ROBO2: variants seen among roughly 807,000 people sequenced by gnomAD.
ROBO2 encodes the protein roundabout guidance receptor 2.
A neutral mutation model predicts 160.8 loss-of-function variants in ROBO2; 53 were observed. The ratio of observed to expected loss-of-function variants is 0.33; its 90% confidence interval spans 0.26 to 0.41. The LOEUF (loss-of-function observed/expected upper bound fraction) is 0.41. Among genes scored for constraint, ROBO2 ranks in the 10% least tolerant of loss-of-function variants. The probability of loss-of-function intolerance (pLI) is 1.00; values close to 1 mark genes in which losing one functional copy is unlikely to be tolerated. For synonymous variants in ROBO2, 664 were observed against 611.7 expected (o/e 1.09, Z -1.26); for missense variants, 1,577 against 1,722.4 (o/e 0.92, Z 1.49).
chr3:76,599,888 T>C (rs947801854), intron 2 of ROBO2, among the ~76,000 whole-genome samples: 2 of 152,132 alleles, frequency 1.3e-5, no homozygotes, highest in Non-Finnish European at 2.9e-5. Flanking sequence ...CGCTTTTTAA[T>C]GGATTTTTTT....
chr3:76,172,257 G>A (rs540455510), intron 2 of ROBO2, among the ~76,000 whole-genome samples: 1 of 146,228 alleles, frequency 6.8e-6, no homozygotes, highest in Admixed American at 6.8e-5. Context: ...ATGGACACAG[G>A]AAGGGGAACA....
intron 2 of ROBO2, among the ~76,000 whole-genome samples, chr3:76,061,122 A>C (rs143601253): frequency 2.0e-5 from 3 of 152,222 alleles, no homozygotes; most frequent in Admixed American, 6.5e-5. Flanking sequence ...ATCAATGTCA[A>C]GGTGACTTCA....
At chr3:77,277,228 TTGTC>T (rs1206127249) in intron 2 of ROBO2, among the ~76,000 whole-genome samples, 1 of 94,526 alleles carries the variant, frequency 1.1e-5, no homozygotes, top group Non-Finnish European at 2.5e-5. Flanking sequence ...TCTTTCTTTC[TTGTC>T]TTTCTTTCTT....
At chr3:76,921,810 A>C (rs1169632357) in intron 2 of ROBO2, among the ~76,000 whole-genome samples, 1 of 152,172 alleles carries the variant, frequency 6.6e-6, no homozygotes, top group Non-Finnish European at 1.5e-5. Context: ...CTAAAATATG[A>C]GGGTTTTAAC....
Position 77,457,794 on chromosome 3 carries a change from C to T in ROBO2, c.389-19620C>T, listed in dbSNP as rs145969220. ...CTGTCCTCCTAAGTATTATTTTGTT[C>T]GGTCAAAATAGTATTTGTTAAATAT... On this transcript the variant is annotated intron_variant, in intron 2 of 25. Transcript: ENST00000461745. Among the ~76,000 whole-genome samples, 971 of 151,682 alleles carry T rather than the reference C, an allele frequency of 6.4e-3. 12 individuals carry two copies. The highest frequency in any genetic ancestry group is 0.022 in the African/African-American group (924 of 41,380).
intron 6 of ROBO2, among the ~76,000 whole-genome samples, chr3:77,545,771 A>G (rs897275830): frequency 1.3e-4 from 20 of 152,052 alleles, no homozygotes; most frequent in African/African-American, 4.8e-4. Context: ...ATTGCTTATT[A>G]CCCTTGTATA....
intron 2 of ROBO2, among the ~76,000 whole-genome samples, chr3:76,126,369 A>T (rs2070989769): frequency 1.3e-5 from 2 of 152,140 alleles, no homozygotes. Context: ...TGGACCTGAT[A>T]GAATAAAGCT....
At chr3:77,544,682 A>G (rs1247711428) in intron 6 of ROBO2, among the ~76,000 whole-genome samples, 2 of 152,094 alleles carry the variant, frequency 1.3e-5, no homozygotes, top group African/African-American at 2.4e-5. Flanking sequence ...GACTGAAATG[A>G]TTTCCAGTGA....
rs557048071 is a variant in ROBO2 at position 77,242,893 on chromosome 3, G to T, written c.388+144553G>T. The stretch of plus-strand genomic sequence containing the variant: ...GTCTTAATAGTTTCATATCTTCCCT[G>T]GTTTACATGAATTAAATGAGAGCGG... On this transcript the variant is annotated intron_variant, in intron 2 of 25. Coordinates refer to ENST00000461745, the Ensembl canonical transcript of ROBO2. Among the ~76,000 whole-genome samples the T allele has an allele frequency of 2.6e-5, 4 of 151,006 alleles. No individual in the cohort carries two copies. In the South Asian group the frequency reaches 6.3e-4, roughly 24 times the overall value.
chr3:77,283,525 A>C (rs148391655), intron 2 of ROBO2, among the ~76,000 whole-genome samples: 5 of 152,230 alleles, frequency 3.3e-5, no homozygotes, highest in Admixed American at 6.5e-5. Context: ...CTCTAAAATA[A>C]GAGTATACAT....
At chr3:75,966,002 C>T (rs1270678233) in intron 2 of ROBO2, among the ~76,000 whole-genome samples, 1 of 151,720 alleles carries the variant, frequency 6.6e-6, no homozygotes, top group East Asian at 2.0e-4. Flanking sequence ...TTGGTAATTA[C>T]ATCTTTACAG....
At chr3:76,276,187 A>G (rs1707909131) in intron 2 of ROBO2, among the ~76,000 whole-genome samples, 1 of 152,080 alleles carries the variant, frequency 6.6e-6, no homozygotes, top group Admixed American at 6.6e-5. Flanking sequence ...TTTAGGTGAG[A>G]TAGAAATATT....
At chr3:77,390,410 G>A (rs1413109403) in intron 2 of ROBO2, among the ~76,000 whole-genome samples, 1 of 152,134 alleles carries the variant, frequency 6.6e-6, no homozygotes, top group Admixed American at 6.6e-5. Context: ...CTAGCAGAAG[G>A]TAATTGAATC....
intron 2 of ROBO2, among the ~76,000 whole-genome samples, chr3:77,110,085 A>C (rs925987629): frequency 3.3e-5 from 5 of 152,176 alleles, no homozygotes; most frequent in Non-Finnish European, 7.3e-5. Flanking sequence ...AGTTTATTCC[A>C]GTAATTTGAT....
chr3:77,244,556 T>C (rs1046920600), intron 2 of ROBO2, among the ~76,000 whole-genome samples: 2 of 152,048 alleles, frequency 1.3e-5, no homozygotes, highest in African/African-American at 4.8e-5. Context: ...CTACCCTTAG[T>C]TCCAGATATT....
At chr3:76,070,633 T>G (rs2068421068) in intron 2 of ROBO2, among the ~76,000 whole-genome samples, 1 of 152,106 alleles carries the variant, frequency 6.6e-6, no homozygotes, top group African/African-American at 2.4e-5. Flanking sequence ...CCCACACCTA[T>G]TCGCACACTC....
intron 2 of ROBO2, among the ~76,000 whole-genome samples, chr3:77,183,512 A>T (rs1460804704): frequency 1.3e-5 from 2 of 152,028 alleles, no homozygotes; most frequent in Non-Finnish European, 2.9e-5. Context: ...ACACAGTGGA[A>T]AGACCATGTA....
intron 2 of ROBO2, among the ~76,000 whole-genome samples, chr3:76,102,595 A>G (rs2069742405): frequency 6.6e-6 from 1 of 152,210 alleles, no homozygotes; most frequent in South Asian, 2.1e-4. Flanking sequence ...AGGAATTCTC[A>G]GAGGTCAAGA....
intron 23 of ROBO2, among the ~76,000 whole-genome samples, chr3:77,628,454 G>T (rs1001050481): frequency 6.8e-6 from 1 of 146,542 alleles, no homozygotes; most frequent in African/African-American, 2.5e-5. Context: ...TTGTGGGGGG[G>T]GGGTAATTGT....
Sources: gnomAD v4.1 joint callset for allele counts (sites outside exome capture counted in the v4.1 genomes callset) on GRCh38, gnomAD v4.1.1 for gene constraint, MANE v1.5 for transcripts, NCBI Gene and HGNC (gene_info 2026-07-23, HGNC 2026-07-21) for gene names.